The following HSPG2 variants were observed in gnomAD, a reference collection of about 807,000 sequenced individuals.
HSPG2 encodes the protein basement membrane-specific heparan sulfate proteoglycan core protein.
A neutral mutation model predicts 526.6 loss-of-function variants in HSPG2; 278 were observed. The ratio of observed to expected loss-of-function variants is 0.53; its 90% CI spans 0.48 to 0.58. The LOEUF (loss-of-function observed/expected upper bound fraction) is 0.58, where lower values mean the gene tolerates loss of function less well. Among genes scored for constraint, HSPG2 ranks in the 20% least tolerant of loss-of-function variants. HSPG2 has a pLI of 0.00. For synonymous variants in HSPG2, 2,465 were observed against 2,555.4 expected, an observed-to-expected ratio of 0.96 and a Z score of 1.07; for missense variants, 5,354 against 6,099.5, an observed-to-expected ratio of 0.88 and a Z score of 4.07.
intron 1 of HSPG2, chr1:21,908,701 T>A (rs889642437): frequency 1.8e-5 from 8 of 448,266 alleles, no homozygotes; most frequent in East Asian, 3.8e-5. Context: ...TTGAAAGCCA[T>A]CAACTTAAAC....
In HSPG2 at chr1:21,908,269, C is replaced by T. The variant is rs914611414; in HGVS notation, c.64-11959G>A. 6 of 1,044,122 alleles carry T rather than the reference C, an allele frequency of 5.7e-6. No individual in the cohort carries two copies. In the African/African-American group the frequency reaches 6.2e-5, roughly 11 times the overall value. 64.7% of individuals were successfully genotyped at this position (1,044,122 alleles called of 1,614,324 possible). ...AAAAGGAACGCCCCACAAGTGTTAC[C>T]ATGGCAAAACTGGAAGAGTCTACAA... On this transcript the variant is annotated intron_variant, in intron 1 of 96. Coordinates refer to ENST00000374695, the MANE Select transcript of HSPG2 (RefSeq NM_005529.7).
At chr1:21,894,124 A>T (rs1642574157) in intron 3 of HSPG2, among the ~76,000 whole-genome samples, 1 of 152,076 alleles carries the variant, frequency 6.6e-6, no homozygotes, top group Admixed American at 6.5e-5. Context: ...CAGAACATGG[A>T]AAGAAACTGG....
rs902878394 is a variant in HSPG2 at position 21,876,504 on chromosome 1, A to C, written c.2826+8T>G. ...TGGCGGTCCTGCCCGCCCACCTTGCAGAGGTACCTGGGCACGGCTCCATGA... is the reference window on the plus strand; with the variant it reads ...TGGCGGTCCTGCCCGCCCACCTTGCCGAGGTACCTGGGCACGGCTCCATGA... On this transcript the variant is annotated splice_region_variant and intron_variant, in intron 22 of 96. Transcript: ENST00000374695. 1.2e-6 allele frequency: 2 copies of C among 1,613,998 alleles called. No homozygotes were observed. Among genetic ancestry groups the C allele is most frequent in the Non-Finnish European group, 8.5e-7 (1 of 1,180,002 alleles).
chr1:21,878,455 G>A lies in HSPG2; in HGVS notation c.2595C>T (p.Pro865=), dbSNP rs758700941. The A allele has an allele frequency of 8.7e-6, 14 of 1,608,458 alleles. No homozygotes were observed. Among genetic ancestry groups the A allele is most frequent in the African/African-American group, 2.7e-5 (2 of 74,814 alleles). ...APGYEGNPIQ[P]GGKCRPVNQE... ...CACTGACGGGCCTGCACTTCCCGCC[G>A]GGCTGGATGGGGTTGCCCTCGTATC... The change falls in exon 20 of 97, where the codon CCC becomes CCT. Residue 865 remains proline, a synonymous_variant. Transcript: ENST00000374695.
At chr1:21,929,467 G>T (rs540382502) in intron 1 of HSPG2, among the ~76,000 whole-genome samples, 29 of 151,766 alleles carry the variant, frequency 1.9e-4, no homozygotes, top group Non-Finnish European at 3.7e-4. Context: ...GAGCGCAGTG[G>T]CAAGATCATG....
chr1:21,837,130 CA>C, intron 74 of HSPG2, 124 bp from the exon 75 acceptor site: 1 of 915,558 alleles, frequency 1.1e-6, no homozygotes, highest in Non-Finnish European at 1.7e-6. Flanking sequence ...CCTCTCTGAC[CA>C]GGGAAAAAAG....
rs1407602112 is a variant in HSPG2, at chr1:21,848,634, G to A, written c.7737+9C>T. On this transcript the variant is annotated intron_variant, in intron 59 of 96. Coordinates refer to ENST00000374695, the MANE Select transcript of HSPG2 (RefSeq NM_005529.7). This position sits in a 1 kb window ranked among gnomAD's most constrained non-coding sequence, Gnocchi z 4.9. ...CTGCTTTTGCCCTCCCCACCTGCTGGCCCTGTACCTGGTGCCGGCTGGGTA... is the reference window on the plus strand; with the variant it reads ...CTGCTTTTGCCCTCCCCACCTGCTGACCCTGTACCTGGTGCCGGCTGGGTA... 2 of 1,612,956 alleles carry A rather than the reference G, an allele frequency of 1.2e-6. No individual in the cohort carries two copies. The highest frequency in any genetic ancestry group is 2.2e-5 in the South Asian group (2 of 91,044).
chr1:21,853,200 C>T, intron 50 of HSPG2, 130 bp from the exon 51 acceptor site: 1 of 1,244,148 alleles, frequency 8.0e-7, no homozygotes, highest in Non-Finnish European at 1.1e-6. Context: ...GGGACTAGGG[C>T]CACACCCTTC....
intron 13 of HSPG2, 116 bp downstream of exon 13, chr1:21,884,412 A>T: frequency 7.3e-7 from 1 of 1,370,206 alleles, no homozygotes. Flanking sequence ...TTCTTCAGCG[A>T]CTCACATTCC....
At chr1:21,930,642 C>T (rs1644322788) in intron 1 of HSPG2, among the ~76,000 whole-genome samples, 1 of 151,968 alleles carries the variant, frequency 6.6e-6, no homozygotes, top group Non-Finnish European at 1.5e-5. Context: ...GACGTGGTGG[C>T]GTGTTCCTGT....
intron 42 of HSPG2, 74 bp from the exon 43 acceptor site, chr1:21,857,459 C>T: frequency 7.5e-7 from 1 of 1,328,274 alleles, no homozygotes; most frequent in Non-Finnish European, 1.1e-6. Context: ...TGTCTTTCTC[C>T]ATAACCTCTA....
chr1:21,875,040 G>T, intron 25 of HSPG2, 38 bp from the exon 26 acceptor site: 1 of 1,468,602 alleles, frequency 6.8e-7, no homozygotes, highest in Non-Finnish European at 9.4e-7. Flanking sequence ...AGGAGTGCTG[G>T]CTCTGTGCCA....
In HSPG2 at chr1:21,823,220, GT is replaced by G; in HGVS notation, c.*95del. The G allele has an allele frequency of 3.3e-6, 4 of 1,216,142 alleles. No individual in the cohort carries two copies. Among genetic ancestry groups the G allele is most frequent in the Admixed American group, 3.0e-5 (1 of 32,822 alleles). 75.3% of individuals were successfully genotyped at this position (1,216,142 alleles called of 1,614,324 possible). ...AGCAGCAAAGCGTGGCATCGCCTCG[GT>G]TTCTTACAAAAATTCATAATAATAT... On this transcript the variant is annotated 3_prime_UTR_variant, in exon 97 of 97. Transcript: ENST00000374695.
intron 1 of HSPG2, among the ~76,000 whole-genome samples, chr1:21,915,223 T>C (rs570391666): frequency 1.1e-4 from 17 of 151,942 alleles, no homozygotes; most frequent in African/African-American, 4.1e-4. Context: ...CAAACCATCA[T>C]CTCTACACCG....
At chr1:21,878,114 C>T in intron 21 of HSPG2, 72 bp downstream of exon 21, 2 of 1,391,738 alleles carry the variant, frequency 1.4e-6, no homozygotes, top group African/African-American at 1.4e-5. Context: ...GAGGACGGAG[C>T]TTCCTTCTTC....
chr1:21,827,856 T>A lies in HSPG2; in HGVS notation c.12589+7A>T. On this transcript the variant is annotated splice_region_variant and intron_variant, in intron 91 of 96. Transcript: ENST00000374695. ...AAGCTGGGGAGGAGGCCATGGCAAG[T>A]ACTCACCATTGCCCCCGCTGCCTTC... The A allele has an allele frequency of 6.3e-7, 1 of 1,577,552 alleles. No homozygotes were observed. The highest frequency in any genetic ancestry group is 8.6e-7 in the Non-Finnish European group (1 of 1,161,330).
intron 87 of HSPG2, 55 bp downstream of exon 87, chr1:21,829,328 G>C: frequency 6.4e-7 from 1 of 1,559,610 alleles, no homozygotes; most frequent in Non-Finnish European, 8.8e-7. Flanking sequence ...TTGAAGAGCC[G>C]AGGGGGGCAC....
intron 1 of HSPG2, among the ~76,000 whole-genome samples, chr1:21,921,490 G>A (rs1200338715): frequency 6.6e-6 from 1 of 152,158 alleles, no homozygotes; most frequent in African/African-American, 2.4e-5. Context: ...CTGTCAATAT[G>A]TGACTCCAAG....
intron 77 of HSPG2, 147 bp downstream of exon 77, chr1:21,834,532 T>C: frequency 1.0e-6 from 1 of 955,128 alleles, no homozygotes; most frequent in Non-Finnish European, 1.6e-6. Flanking sequence ...CTGCCACCTG[T>C]TATGAAACCT....
Sources: gnomAD v4.1 joint callset for allele counts (sites outside exome capture counted in the v4.1 genomes callset) on GRCh38, gnomAD v4.1.1 for gene constraint, Gnocchi (gnomAD v3.1) non-coding constraint, MANE v1.5 for transcripts, NCBI Gene and HGNC (gene_info 2026-07-23, HGNC 2026-07-21) for gene names.